The following KCNAB1 variants were observed in gnomAD, a reference collection of about 807,000 sequenced individuals.
The protein encoded by KCNAB1 is potassium voltage-gated channel subfamily A regulatory beta subunit 1.
A neutral mutation model predicts 64.6 loss-of-function variants in KCNAB1; 35 were observed. The ratio of observed to expected loss-of-function variants is 0.54; its 90% CI spans 0.41 to 0.72. KCNAB1 has a LOEUF of 0.72. Among genes scored for constraint, KCNAB1 ranks in the 30% least tolerant of loss-of-function variants. KCNAB1 has a pLI of 0.00. For missense variants in KCNAB1, 401 were observed against 512.9 expected (o/e 0.78, Z 2.11); for synonymous variants, 177 against 183.8 (o/e 0.96, Z 0.30).
intron 1 of KCNAB1, among the ~76,000 whole-genome samples, chr3:156,355,002 GAA>G (rs1283788598): frequency 2.0e-5 from 3 of 152,160 alleles, no homozygotes; most frequent in Non-Finnish European, 2.9e-5. Context: ...TCAGATCAGA[GAA>G]AGATTGAAGG....
At chr3:156,128,553 G>A (rs193191840) in intron 1 of KCNAB1, among the ~76,000 whole-genome samples, 2 of 152,264 alleles carry the variant, frequency 1.3e-5, no homozygotes, top group East Asian at 3.9e-4. Flanking sequence ...ATGTCTTGTC[G>A]TGCATTATCT....
intron 1 of KCNAB1, among the ~76,000 whole-genome samples, chr3:156,202,291 G>A (rs1363171329): frequency 6.6e-6 from 1 of 152,202 alleles, no homozygotes; most frequent in Non-Finnish European, 1.5e-5. Flanking sequence ...AGAGTGGGTT[G>A]CTTCTTGCCT....
intron 7 of KCNAB1, among the ~76,000 whole-genome samples, chr3:156,468,703 C>T (rs1315265340): frequency 1.3e-5 from 2 of 152,200 alleles, no homozygotes; most frequent in Admixed American, 6.5e-5. Context: ...CTTATAAGTA[C>T]AACTGCTAGT....
At chr3:156,118,620 A>T (rs1478953290), upstream of KCNAB1, among the ~76,000 whole-genome samples, 1 of 152,230 alleles carries the variant, frequency 6.6e-6, no homozygotes, top group Non-Finnish European at 1.5e-5. Context: ...TTTGTCTAGG[A>T]TCACAGCACT....
At chr3:156,373,218 C>G (rs1372917619) in intron 1 of KCNAB1, among the ~76,000 whole-genome samples, 1 of 152,196 alleles carries the variant, frequency 6.6e-6, no homozygotes, top group Non-Finnish European at 1.5e-5. Flanking sequence ...CATCCCAACA[C>G]AACAGGGCAA....
At chr3:156,408,139 G>A (rs1338850410) in intron 1 of KCNAB1, among the ~76,000 whole-genome samples, 2 of 152,112 alleles carry the variant, frequency 1.3e-5, no homozygotes, top group Admixed American at 1.3e-4. Flanking sequence ...TCAGGCAGCA[G>A]AAACTTTTAT....
chr3:156,421,088 T>G (rs1157827558), intron 1 of KCNAB1, among the ~76,000 whole-genome samples: 1 of 151,776 alleles, frequency 6.6e-6, no homozygotes, highest in Non-Finnish European at 1.5e-5. Context: ...CCATTAGAAT[T>G]AATATTCTGT....
chr3:156,313,206 T>C (rs941728910), intron 1 of KCNAB1, among the ~76,000 whole-genome samples: 1 of 152,202 alleles, frequency 6.6e-6, no homozygotes, highest in Non-Finnish European at 1.5e-5. Flanking sequence ...TTATTATCAA[T>C]TCACTGACAT....
intron 2 of KCNAB1, among the ~76,000 whole-genome samples, chr3:156,422,404 G>A (rs1203824232): frequency 6.6e-6 from 1 of 152,186 alleles, no homozygotes; most frequent in Non-Finnish European, 1.5e-5. Flanking sequence ...AAGTAGTGAG[G>A]AGTGGTCAGA....
At chr3:156,344,275 A>G (rs1724330717) in intron 1 of KCNAB1, among the ~76,000 whole-genome samples, 1 of 152,210 alleles carries the variant, frequency 6.6e-6, no homozygotes, top group Non-Finnish European at 1.5e-5. Flanking sequence ...TCTCTAAGGA[A>G]AAGGGGAGAA....
chr3:156,433,141 C>T (rs552720509), intron 2 of KCNAB1, among the ~76,000 whole-genome samples: 9 of 152,280 alleles, frequency 5.9e-5, no homozygotes, highest in African/African-American at 1.2e-4. Flanking sequence ...CAGGGAGAAA[C>T]GACACACAGA....
chr3:156,252,385 A>G (rs1263308513), intron 1 of KCNAB1, among the ~76,000 whole-genome samples: 3 of 152,152 alleles, frequency 2.0e-5, no homozygotes, highest in African/African-American at 7.2e-5. Flanking sequence ...CATTTGATAA[A>G]CCAACACTTT....
chr3:156,396,379 A>G (rs1713466875), intron 1 of KCNAB1, among the ~76,000 whole-genome samples: 1 of 152,256 alleles, frequency 6.6e-6, no homozygotes, highest in Admixed American at 6.5e-5. Context: ...CAAAATATTA[A>G]TATCCAACAG....
At chr3:156,207,988 C>T (rs1299197104) in intron 1 of KCNAB1, among the ~76,000 whole-genome samples, 1 of 152,156 alleles carries the variant, frequency 6.6e-6, no homozygotes, top group Non-Finnish European at 1.5e-5. Flanking sequence ...TAGTGTAAAA[C>T]TTCTGAAATA....
Position 156,375,517 on chromosome 3 carries a change from G to A in KCNAB1, c.276-46099G>A, listed in dbSNP as rs575312527. ...ACATAGGTAAGCAAATCAAAACAACGTTAATACATGTTATAATTCTTTAAA... is the reference window on the plus strand; with the variant it reads ...ACATAGGTAAGCAAATCAAAACAACATTAATACATGTTATAATTCTTTAAA... On this transcript the variant is annotated intron_variant, in intron 1 of 13. Transcript: ENST00000490337. 9.6e-5 allele frequency among the ~76,000 whole-genome samples: 13 copies of A among 135,158 alleles called. 3 individuals are homozygous for A. The South Asian group carries it at 1.1e-3, about 12-fold the overall frequency. 88.7% of individuals were successfully genotyped at this position (135,158 alleles called of 152,430 possible). A position where few individuals can be genotyped will look rare whatever the true frequency, so the allele number is the denominator to read the frequency against.
At chr3:156,344,808 C>G (rs1724373943) in intron 1 of KCNAB1, among the ~76,000 whole-genome samples, 1 of 152,156 alleles carries the variant, frequency 6.6e-6, no homozygotes, top group Non-Finnish European at 1.5e-5. Flanking sequence ...AGTTTGTGTT[C>G]TGAAGCTCTA....
At chr3:156,518,518 T>G (rs1242037883) in intron 11 of KCNAB1, among the ~76,000 whole-genome samples, 2 of 145,292 alleles carry the variant, frequency 1.4e-5, no homozygotes, top group Non-Finnish European at 1.5e-5. Context: ...AATTAAAAGA[T>G]AGATATCTGG....
At chr3:156,128,878 G>C (rs1466534848) in intron 1 of KCNAB1, among the ~76,000 whole-genome samples, 1 of 152,188 alleles carries the variant, frequency 6.6e-6, no homozygotes, top group African/African-American at 2.4e-5. Flanking sequence ...GCAAGGGTAA[G>C]TTTTAAAATA....
At chr3:156,206,942 G>A (rs1012558438) in intron 1 of KCNAB1, among the ~76,000 whole-genome samples, 1 of 152,216 alleles carries the variant, frequency 6.6e-6, no homozygotes, top group Non-Finnish European at 1.5e-5. Flanking sequence ...TTACCAAGGA[G>A]CCTATCAGAG....
Sources: allele counts gnomAD v4.1 joint callset (sites outside exome capture counted in the v4.1 genomes callset), GRCh38; gene constraint gnomAD v4.1.1; transcripts MANE v1.5; gene names NCBI Gene and HGNC (gene_info 2026-07-23, HGNC 2026-07-21).